HSP90AA1: variants seen among roughly 807,000 people sequenced by gnomAD.
The protein encoded by HSP90AA1 is heat shock protein HSP 90-alpha.
A neutral mutation model predicts 73.3 loss-of-function variants in HSP90AA1; 18 were observed. The ratio of observed to expected loss-of-function variants is 0.25; its 90% confidence interval spans 0.17 to 0.36. HSP90AA1 has a LOEUF of 0.36. Among genes scored for constraint, HSP90AA1 ranks in the 10% least tolerant of loss-of-function variants. HSP90AA1 has a pLI of 1.00. For missense variants in HSP90AA1, 704 were observed against 874.2 expected (o/e 0.81, Z 2.45); for synonymous variants, 477 against 296.9 (o/e 1.61, Z -6.24).
In HSP90AA1 at chr14:102,082,330, T is replaced by C; in HGVS notation, c.1870A>G (p.Thr624Ala). ...TTCTTTGCTGCCATGTAACCCATTGTTGAGTTGTCTCTTAGGGCTTGAGCT... is the reference window on the plus strand; with the variant it reads ...TTCTTTGCTGCCATGTAACCCATTGCTGAGTTGTCTCTTAGGGCTTGAGCT... Reference protein sequence around the residue: ...MKAQALRDNSTMGYMAAKKHL... With the variant: ...MKAQALRDNSAMGYMAAKKHL... Residue 624 changes from threonine to alanine, a missense_variant, in exon 10 of 11, where the codon ACA becomes GCA. Thr to Ala is a moderately conservative substitution (Grantham distance 58). Coordinates refer to ENST00000216281, the MANE Select transcript of HSP90AA1 (RefSeq NM_005348.4). The C allele has an allele frequency of 6.2e-7, 1 of 1,613,992 alleles. No homozygotes were observed. Among genetic ancestry groups the C allele is most frequent in the Non-Finnish European group, 8.5e-7 (1 of 1,179,836 alleles).
chr14:102,122,905 T>C (rs913659629), intron 1 of HSP90AA1, among the ~76,000 whole-genome samples: 1 of 150,570 alleles, frequency 6.6e-6, no homozygotes, highest in Non-Finnish European at 1.5e-5. Context: ...TGACCTCAGG[T>C]GATCCACCCG....
At chr14:102,092,097 C>T (rs376380537) in intron 2 of HSP90AA1, among the ~76,000 whole-genome samples, 208 of 151,344 alleles carry the variant, frequency 1.4e-3, no homozygotes, top group African/African-American at 4.7e-3. Context: ...GAGACAGTCC[C>T]GCTCTGTCGC....
In HSP90AA1 at chr14:102,085,975, G is replaced by T; in HGVS notation, c.312C>A (p.Ile104=). The part of the protein sequence containing the change: ...TGIGMTKADL[I]NNLGTIAKSG... ...ACTTGGCGATAGTACCAAGGTTATT[G>T]ATCAAGTCAGCCTTGGTCATTCCAA... The change falls in exon 3 of 11, where the codon ATC becomes ATA. Residue 104 remains isoleucine, a synonymous_variant. Coordinates refer to ENST00000216281, the MANE Select transcript of HSP90AA1 (RefSeq NM_005348.4). 2.5e-6 allele frequency: 4 copies of T among 1,613,874 alleles called. No homozygotes were observed. Among genetic ancestry groups the T allele is most frequent in the Non-Finnish European group, 3.4e-6 (4 of 1,179,802 alleles).
rs371263487 is a variant in HSP90AA1, at chr14:102,083,848, G to A, written c.1283C>T (p.Ala428Val). Reference sequence around the variant, plus strand: ...TTTCTTGTAGTTCTCTTTATCTTCCGCCAGTTCAGTAAAGAGTTCTAAGCA... The same window carrying A: ...TTTCTTGTAGTTCTCTTTATCTTCCACCAGTTCAGTAAAGAGTTCTAAGCA... Reference protein sequence around the residue: ...KKCLELFTELAEDKENYKKFY... With the variant: ...KKCLELFTELVEDKENYKKFY... Residue 428 changes from alanine (A) to valine (V), a missense_variant, in exon 7 of 11, where the codon GCG becomes GTG. Physicochemically the swap from Ala to Val is moderately conservative, Grantham distance 64. Coordinates refer to ENST00000216281, the MANE Select transcript of HSP90AA1 (RefSeq NM_005348.4). 41 of 1,613,028 alleles carry A rather than the reference G, an allele frequency of 2.5e-5. No homozygotes were observed. Among genetic ancestry groups the A allele is most frequent in the African/African-American group, 2.1e-4 (16 of 74,596 alleles).
upstream of HSP90AA1, among the ~76,000 whole-genome samples, chr14:102,088,845 G>C (rs2049309936): frequency 6.6e-6 from 1 of 152,138 alleles, no homozygotes. Context: ...CCATTGCCCA[G>C]GGGGTTTGAG....
At chr14:102,138,971 T>C (rs35237642) in intron 1 of HSP90AA1, among the ~76,000 whole-genome samples, 1,728 of 152,166 alleles carry the variant, frequency 0.011, 13 homozygotes, top group Non-Finnish European at 0.018. Context: ...AAAAAACAAT[T>C]ACCTTAAATT....
chr14:102,139,275 C>T (rs897644408), exon 1 of HSP90AA1: 21 of 1,614,136 alleles, frequency 1.3e-5, no homozygotes, highest in Non-Finnish European at 1.7e-5. Flanking sequence ...GGCGAGGAGG[C>T]TTCAGAGGGG....
intron 2 of HSP90AA1, among the ~76,000 whole-genome samples, chr14:102,093,844 T>G (rs2152617243): frequency 6.6e-6 from 1 of 152,224 alleles, no homozygotes; most frequent in African/African-American, 2.4e-5. Flanking sequence ...CATGGTGGCA[T>G]GCACCTGTAA....
At chr14:102,082,847 C>T in intron 9 of HSP90AA1, 187 bp downstream of exon 9, 1 of 664,246 alleles carries the variant, frequency 1.5e-6, no homozygotes, top group Non-Finnish European at 2.7e-6. Context: ...GTCTCGATCT[C>T]CTGACCTTGT....
chr14:102,081,808 A>C lies in HSP90AA1; in HGVS notation c.2103T>G (p.Asp701Glu), dbSNP rs2049105878. Residue 701 changes from aspartate to glutamate, a missense_variant, in exon 11 of 11, where the codon GAT (aspartate) becomes GAG (glutamate). Coordinates refer to ENST00000216281, the MANE Select transcript of HSP90AA1 (RefSeq NM_005348.4). ...CACTGGTATCATCAGCAGTAGGGTCATCTTCATCAATACCTGTTTCCAAAA... is the reference window on the plus strand; with the variant it reads ...CACTGGTATCATCAGCAGTAGGGTCCTCTTCATCAATACCTGTTTCCAAAA... ...MIKLGLGIDEDDPTADDTSAA... is the reference protein window; with the variant it reads ...MIKLGLGIDEEDPTADDTSAA... The C allele has an allele frequency of 4.7e-6, 7 of 1,481,136 alleles. No homozygotes were observed. The highest frequency in any genetic ancestry group is 1.7e-5 in the Admixed American group (1 of 59,816). The allele number at this position is 1,481,136 out of a possible 1,614,324, so 91.7% of individuals were successfully genotyped here. A position where few individuals can be genotyped will look rare whatever the true frequency, so the allele number is the denominator to read the frequency against.
rs1463753297 is a variant in HSP90AA1 at position 102,084,028 on chromosome 14, A to G, written c.1148-45T>C. ...AATGCACTGAGTCATTCCAAGGACA[A>G]AACTGGTACTATGTAAACTCCCAAA... On this transcript the variant is annotated intron_variant, in intron 6 of 10. Coordinates refer to ENST00000216281, the MANE Select transcript of HSP90AA1 (RefSeq NM_005348.4). 2.1e-6 allele frequency: 3 copies of G among 1,408,646 alleles called. No homozygotes were observed. The South Asian group carries it at 3.5e-5, about 16-fold the overall frequency. The allele number at this position is 1,408,646 out of a possible 1,614,324, so 87.3% of individuals were successfully genotyped here. A position where few individuals can be genotyped will look rare whatever the true frequency, so the allele number is the denominator to read the frequency against.
chr14:102,081,411 T>C lies in HSP90AA1; in HGVS notation c.*301A>G. 2.2e-6 allele frequency: 1 copy of C among 458,954 alleles called. No individual in the cohort carries two copies. The allele number at this position is 458,954 out of a possible 1,614,324, so 28.4% of individuals were successfully genotyped here. A position where few individuals can be genotyped will look rare whatever the true frequency, so the allele number is the denominator to read the frequency against. On this transcript the variant is annotated 3_prime_UTR_variant, in exon 11 of 11. Transcript: ENST00000216281. The stretch of plus-strand genomic sequence containing the variant: ...GATTTGGTCTACTTAGGCATCCGGC[T>C]TGACAGCTAAACACTTTAGACCACA...
At chr14:102,085,238 G>A (rs537317521) in intron 4 of HSP90AA1, 60 bp downstream of exon 4, 5 of 1,552,652 alleles carry the variant, frequency 3.2e-6, no homozygotes, top group Non-Finnish European at 3.6e-6. Flanking sequence ...TAAGGATGTA[G>A]TACAGTCACC....
At position 102,080,755 on chromosome 14, in the gene HSP90AA1, G is replaced by C. The variant is rs184420805; in HGVS notation, c.*957C>G. 3.3e-4 allele frequency: 70 copies of C among 211,450 alleles called. No homozygotes were observed. In the East Asian group the frequency reaches 4.9e-3, roughly 15 times the overall value. 13.1% of individuals were successfully genotyped at this position (211,450 alleles called of 1,614,324 possible). A position where few individuals can be genotyped will look rare whatever the true frequency, so the allele number is the denominator to read the frequency against. Reference sequence around the variant, plus strand: ...AGACACTGTAAGGCCAAGGAATTAAGTGACTGTATTTAACACAGAAGGTAT... The same window carrying C: ...AGACACTGTAAGGCCAAGGAATTAACTGACTGTATTTAACACAGAAGGTAT... On this transcript the variant is annotated 3_prime_UTR_variant, in exon 11 of 11. Coordinates refer to ENST00000216281, the MANE Select transcript of HSP90AA1 (RefSeq NM_005348.4).
At chr14:102,085,156 G>C in intron 4 of HSP90AA1, 142 bp downstream of exon 4, 1 of 1,459,868 alleles carries the variant, frequency 6.8e-7, no homozygotes, top group South Asian at 1.2e-5. Context: ...AATAGCCCGA[G>C]GAACTTTTAC....
At chr14:102,101,802 C>T (rs1246619505) in intron 2 of HSP90AA1, 22 of 1,257,334 alleles carry the variant, frequency 1.7e-5, no homozygotes, top group Admixed American at 1.4e-4. Context: ...CTCCAACCAC[C>T]GGTTGGTTGG....
At chr14:102,111,344 T>C (rs950175290) in intron 1 of HSP90AA1, among the ~76,000 whole-genome samples, 1 of 152,246 alleles carries the variant, frequency 6.6e-6, no homozygotes, top group Non-Finnish European at 1.5e-5. Context: ...ACTCCAGCCA[T>C]GGCTAAAAGG....
At chr14:102,114,302 C>G (rs996711692) in intron 1 of HSP90AA1, among the ~76,000 whole-genome samples, 6 of 152,084 alleles carry the variant, frequency 3.9e-5, no homozygotes, top group Non-Finnish European at 8.8e-5. Flanking sequence ...CTGGCCATGT[C>G]ATTTATTTTG....
chr14:102,135,603 T>A (rs972782189), intron 1 of HSP90AA1, among the ~76,000 whole-genome samples: 3 of 152,206 alleles, frequency 2.0e-5, no homozygotes, highest in African/African-American at 7.2e-5. Flanking sequence ...CAGGAACCAA[T>A]GGAGTGGGTG....
Sources: gnomAD v4.1 joint callset for allele counts (sites outside exome capture counted in the v4.1 genomes callset) on GRCh38, gnomAD v4.1.1 for gene constraint, MANE v1.5 for transcripts, NCBI Gene and HGNC (gene_info 2026-07-23, HGNC 2026-07-21) for gene names.